PLEKHG4B: variants seen among roughly 807,000 people sequenced by gnomAD.
PLEKHG4B encodes pleckstrin homology and RhoGEF domain containing G4B.
Under a neutral mutation model 121.3 loss-of-function variants are expected in PLEKHG4B, and 111 were observed. That is an observed-to-expected ratio of 0.92 (90% CI 0.78 to 1.07). The LOEUF (loss-of-function observed/expected upper bound fraction) is 1.07. PLEKHG4B is among the 50% of genes least tolerant of loss of function. The pLI, the probability that PLEKHG4B is intolerant of heterozygous loss-of-function variation, is 0.00. For synonymous variants in PLEKHG4B, 738 were observed against 725.0 expected (o/e 1.02, Z -0.29); for missense variants, 1,831 against 1,757.8 (o/e 1.04, Z -0.74).
At chr5:132,344 G>A (rs1734804401) in intron 2 of PLEKHG4B, among the ~76,000 whole-genome samples, 1 of 152,112 alleles carries the variant, frequency 6.6e-6, no homozygotes, top group Admixed American at 6.6e-5. Flanking sequence ...CACTCTGTGG[G>A]TCATCCGTTT....
At chr5:163,587 T>C (rs2126439831) in intron 13 of PLEKHG4B, 39 bp downstream of exon 13, 1 of 1,465,834 alleles carries the variant, frequency 6.8e-7, no homozygotes, top group Non-Finnish European at 9.0e-7. Flanking sequence ...CTAGCAGTCC[T>C]TGGGGATCTA....
chr5:95,050 T>C (rs1328687778), intron 1 of PLEKHG4B, among the ~76,000 whole-genome samples: 1 of 152,216 alleles, frequency 6.6e-6, no homozygotes, highest in Non-Finnish European at 1.5e-5. Flanking sequence ...TCTGGGACAC[T>C]TTTCTGGGCC....
rs759048646 is a variant in PLEKHG4B, at chr5:140,365, C to A, written c.1126C>A (p.Leu376Met). Residue 376 changes from leucine (L) to methionine (M), a missense_variant, in exon 3 of 20, where the codon CTG becomes ATG. Transcript: ENST00000637938. ...CAGCTCTGAGGAGGCCCTCGGGGAC[C>A]TGGCCTGCAGCTCCCTGACTGGAGC... ...LGSSEEALGD[L>M]ACSSLTGASR... is the part of the protein sequence containing the mutation. The A allele has an allele frequency of 1.9e-6, 3 of 1,551,868 alleles. No homozygotes were observed. The highest frequency in any genetic ancestry group is 2.6e-6 in the Non-Finnish European group (3 of 1,148,780).
intron 7 of PLEKHG4B, among the ~76,000 whole-genome samples, chr5:152,095 G>A (rs751921701): frequency 3.0e-4 from 45 of 152,198 alleles, no homozygotes; most frequent in Non-Finnish European, 5.3e-4. Flanking sequence ...TGAGCAAATC[G>A]CAATGCGAGC....
At chr5:124,162 T>C (rs921394461) in intron 2 of PLEKHG4B, among the ~76,000 whole-genome samples, 4 of 152,208 alleles carry the variant, frequency 2.6e-5, no homozygotes, top group Non-Finnish European at 5.9e-5. Context: ...CTTATTTCTG[T>C]TATTGACTTC....
In PLEKHG4B at chr5:172,757, C is replaced by G. The variant is rs1015591459; in HGVS notation, c.4051-140C>G. 47 of 879,996 alleles carry G rather than the reference C, an allele frequency of 5.3e-5. No individual in the cohort carries two copies. The African/African-American group carries it at 7.6e-4, about 14-fold the overall frequency. The allele number at this position is 879,996 out of a possible 1,614,324, so 54.5% of individuals were successfully genotyped here. On this transcript the variant is annotated intron_variant, in intron 16 of 19. Coordinates refer to ENST00000637938, the MANE Select transcript of PLEKHG4B (RefSeq NM_052909.5). ...AAACCTTTAACAGCTAACATTAAGG[C>G]GGATTTGCCAGATTTTATGGCAGTT...
intron 18 of PLEKHG4B, among the ~76,000 whole-genome samples, chr5:180,002 G>C (rs1343784074): frequency 6.6e-6 from 1 of 152,080 alleles, no homozygotes; most frequent in Non-Finnish European, 1.5e-5. Flanking sequence ...ATTAATCCTG[G>C]TTACCTCCAC....
chr5:107,894 G>T (rs999370987), intron 1 of PLEKHG4B, among the ~76,000 whole-genome samples: 1 of 152,204 alleles, frequency 6.6e-6, no homozygotes, highest in African/African-American at 2.4e-5. Flanking sequence ...AGGTGTGCCA[G>T]GTTTGTATAC....
intron 1 of PLEKHG4B, among the ~76,000 whole-genome samples, chr5:110,365 A>G (rs1734111792): frequency 1.4e-5 from 2 of 147,188 alleles, no homozygotes; most frequent in South Asian, 2.2e-4. Context: ...ACTCTGCAAC[A>G]CACATGCACA....
Position 140,361 on chromosome 5 carries a change from G to T in PLEKHG4B, c.1122G>T (p.Gly374=). 1 of 1,552,252 alleles carries T rather than the reference G, an allele frequency of 6.4e-7. No individual in the cohort carries two copies. The highest frequency in any genetic ancestry group is 8.7e-7 in the Non-Finnish European group (1 of 1,148,954). The change falls in exon 3 of 20, where the codon GGG becomes GGT. Residue 374 remains glycine, a synonymous_variant. Coordinates refer to ENST00000637938, the MANE Select transcript of PLEKHG4B (RefSeq NM_052909.5). ...TGGGCAGCTCTGAGGAGGCCCTCGG[G>T]GACCTGGCCTGCAGCTCCCTGACTG... ...MPLGSSEEAL[G]DLACSSLTGA... is the part of the protein sequence containing the mutation.
intron 2 of PLEKHG4B, among the ~76,000 whole-genome samples, chr5:133,974 T>C (rs2126385752): frequency 6.9e-6 from 1 of 144,148 alleles, no homozygotes; most frequent in East Asian, 2.0e-4. Context: ...ATATATGAGA[T>C]GGACTATATA....
At chr5:169,682 C>A in intron 14 of PLEKHG4B, 90 bp downstream of exon 14, 3 of 1,545,792 alleles carry the variant, frequency 1.9e-6, no homozygotes, top group Non-Finnish European at 2.6e-6. Context: ...ACGTGTCAGG[C>A]GGTTGGAATA....
chr5:98,769 G>A (rs1201967966), intron 1 of PLEKHG4B, among the ~76,000 whole-genome samples: 4 of 147,178 alleles, frequency 2.7e-5, no homozygotes, highest in South Asian at 2.2e-4. Context: ...CACCCCGCCC[G>A]GCCGATTACT....
chr5:145,418 T>C (rs1735375441), intron 6 of PLEKHG4B, among the ~76,000 whole-genome samples: 3 of 152,140 alleles, frequency 2.0e-5, no homozygotes, highest in Non-Finnish European at 4.4e-5. Context: ...ACAGGGTCAA[T>C]GCCATTGCCA....
At chr5:126,947 G>T (rs1025535027) in intron 2 of PLEKHG4B, among the ~76,000 whole-genome samples, 8 of 152,210 alleles carry the variant, frequency 5.3e-5, no homozygotes, top group Non-Finnish European at 1.2e-4. Flanking sequence ...GTTGGACCAG[G>T]TGTGACATTT....
chr5:125,832 T>C lies in PLEKHG4B; in HGVS notation c.243+12384T>C, dbSNP rs146716951. ...CAGCTTTTGTTTATCTGGGAATGTC[T>C]TAATTTCACTCTCACTTTTGAAGCA... On this transcript the variant is annotated intron_variant, in intron 2 of 19. Transcript: ENST00000637938. 7.9e-3 allele frequency among the ~76,000 whole-genome samples: 1,204 copies of C among 152,318 alleles called. 5 individuals carry two copies. Among genetic ancestry groups the C allele is most frequent in the Non-Finnish European group, 0.011 (724 of 68,024 alleles).
chr5:162,920 AC>A lies in PLEKHG4B; in HGVS notation c.2851del (p.Arg951GlyfsTer34). On this transcript the variant is annotated frameshift_variant, in exon 13 of 20. Transcript: ENST00000637938. LOFTEE classifies it high-confidence loss of function. ...QQDLWLQYPQ[T>X]RLRLEEALSE... is the part of the protein sequence containing the mutation. ...AGACCTGTGGCTGCAGTACCCCCAG[AC>A]CCGGCTCCGTCTGGAAGAGGCCCTT... 3 of 1,543,818 alleles carry A rather than the reference AC, an allele frequency of 1.9e-6. No homozygotes were observed. The highest frequency in any genetic ancestry group is 2.6e-6 in the Non-Finnish European group (3 of 1,144,756).
In PLEKHG4B at chr5:137,966, G is replaced by A. The variant is rs922794946; in HGVS notation, c.244-1517G>A. Among the ~76,000 whole-genome samples, 18 of 152,246 alleles carry A rather than the reference G, an allele frequency of 1.2e-4. No homozygotes were observed. The highest frequency in any genetic ancestry group is 4.3e-4 in the African/African-American group (18 of 41,474). On this transcript the variant is annotated intron_variant, in intron 2 of 19. Transcript: ENST00000637938. This position sits in a 1 kb window ranked among gnomAD's most constrained non-coding sequence, Gnocchi z 4.2. ...CGTCTGGGGAGGGTGTCAAGGAGCC[G>A]CTTCTTGAACGGCTTGCTCACCGGT...
Position 162,900 on chromosome 5 carries a change from T to A in PLEKHG4B, c.2828T>A (p.Leu943Gln). ...AAACCGTGGGCATCACAGCAAGACCTGTGGCTGCAGTACCCCCAGACCCGG... is the reference window on the plus strand; with the variant it reads ...AAACCGTGGGCATCACAGCAAGACCAGTGGCTGCAGTACCCCCAGACCCGG... ...LGKPWASQQD[L>Q]WLQYPQTRLR... is the part of the protein sequence containing the mutation. Residue 943 changes from leucine (L) to glutamine (Q), a missense_variant, in exon 13 of 20, where the codon CTG becomes CAG. Coordinates refer to ENST00000637938, the MANE Select transcript of PLEKHG4B (RefSeq NM_052909.5). 6.5e-7 allele frequency: 1 copy of A among 1,533,990 alleles called. No homozygotes were observed.
Sources: gnomAD v4.1 joint callset for allele counts (sites outside exome capture counted in the v4.1 genomes callset) on GRCh38, gnomAD v4.1.1 for gene constraint, Gnocchi (gnomAD v3.1) non-coding constraint, MANE v1.5 for transcripts, NCBI Gene and HGNC (gene_info 2026-07-23, HGNC 2026-07-21) for gene names.